The following MGAT4C variants were observed in gnomAD, a reference collection of about 807,000 sequenced individuals.
MGAT4C encodes the protein alpha-1,3-mannosyl-glycoprotein 4-beta-N-acetylglucosaminyltransferase C.
In MGAT4C, 19 loss-of-function variants were observed where a neutral mutation model predicts 40.1. That is an observed-to-expected ratio of 0.47 (90% confidence interval 0.33 to 0.70). The LOEUF (loss-of-function observed/expected upper bound fraction) is 0.70. Ranked by LOEUF, MGAT4C falls within the 30% of genes least tolerant of loss-of-function variation. The pLI, the probability that MGAT4C is intolerant of heterozygous loss-of-function variation, is 0.02. For missense variants in MGAT4C, 491 were observed against 563.2 expected (o/e 0.87, Z 1.30); for synonymous variants, 181 against 187.1 (o/e 0.97, Z 0.27).
In MGAT4C at chr12:85,987,646, A is replaced by G. The variant is rs540636257; in HGVS notation, c.147+1754T>C. Among the ~76,000 whole-genome samples the G allele has an allele frequency of 2.4e-3, 371 of 152,336 alleles. 2 individuals carry two copies. Among genetic ancestry groups the G allele is most frequent in the Non-Finnish European group, 3.9e-3 (262 of 68,020 alleles). On this transcript the variant is annotated intron_variant, in intron 3 of 4. Transcript: ENST00000611864. ...CTGTAAACATTTGCAAAACAGGAACATAGCATTTTATTTTCTAATTGACAT... is the reference window on the plus strand; with the variant it reads ...CTGTAAACATTTGCAAAACAGGAACGTAGCATTTTATTTTCTAATTGACAT...
At chr12:86,796,319 C>T (rs553363405) in intron 1 of MGAT4C, among the ~76,000 whole-genome samples, 1 of 152,010 alleles carries the variant, frequency 6.6e-6, no homozygotes, top group East Asian at 1.9e-4. Context: ...AGTCTTTGTG[C>T]TAGATGTACA....
chr12:86,053,656 T>A (rs1303306977), intron 1 of MGAT4C, among the ~76,000 whole-genome samples: 1 of 151,880 alleles, frequency 6.6e-6, no homozygotes. Context: ...GCCTGCAAAA[T>A]GGCAGAAAAA....
At chr12:86,609,362 T>A (rs1962164532) in intron 2 of MGAT4C, among the ~76,000 whole-genome samples, 1 of 152,064 alleles carries the variant, frequency 6.6e-6, no homozygotes, top group African/African-American at 2.4e-5. Context: ...TTCAACAGAA[T>A]CAATATTTGT....
intron 2 of MGAT4C, among the ~76,000 whole-genome samples, chr12:86,448,728 T>G (rs957880550): frequency 2.0e-5 from 3 of 152,208 alleles, no homozygotes; most frequent in African/African-American, 7.2e-5. Context: ...ACTTTGAAAT[T>G]GGCAAGGAGA....
chr12:86,767,923 A>C (rs1951546236), intron 1 of MGAT4C, among the ~76,000 whole-genome samples: 1 of 152,222 alleles, frequency 6.6e-6, no homozygotes, highest in African/African-American at 2.4e-5. Context: ...TTGAATGGGC[A>C]AAAACTGGAA....
chr12:86,146,570 G>A (rs544535631), intron 1 of MGAT4C, among the ~76,000 whole-genome samples: 3 of 152,084 alleles, frequency 2.0e-5, no homozygotes, highest in African/African-American at 7.2e-5. Context: ...TCTAAGAACT[G>A]GGAAGTTATC....
chr12:86,107,662 G>T (rs1876452722), intron 1 of MGAT4C, among the ~76,000 whole-genome samples: 1 of 152,040 alleles, frequency 6.6e-6, no homozygotes, highest in Non-Finnish European at 1.5e-5. Context: ...TTACTAATAT[G>T]CTATATTTTC....
intron 1 of MGAT4C, among the ~76,000 whole-genome samples, chr12:86,088,520 A>C (rs539705050): frequency 6.6e-6 from 1 of 152,226 alleles, no homozygotes; most frequent in South Asian, 2.1e-4. Context: ...GAACTTAAAC[A>C]AATTTAAAAG....
intron 2 of MGAT4C, among the ~76,000 whole-genome samples, chr12:86,608,488 G>A (rs1285477998): frequency 6.6e-6 from 1 of 152,068 alleles, no homozygotes; most frequent in African/African-American, 2.4e-5. Flanking sequence ...TGATTTGGAA[G>A]AATTGCTTGA....
intron 4 of MGAT4C, among the ~76,000 whole-genome samples, chr12:86,302,447 G>T (rs553996024): frequency 2.7e-5 from 4 of 149,152 alleles, no homozygotes; most frequent in African/African-American, 1.0e-4. Flanking sequence ...TTTGGTTTTC[G>T]AGACGGAGTC....
At chr12:86,148,002 G>A (rs371833433) in intron 1 of MGAT4C, among the ~76,000 whole-genome samples, 1 of 151,986 alleles carries the variant, frequency 6.6e-6, no homozygotes, top group African/African-American at 2.4e-5. Context: ...AGAGTAAAAC[G>A]AAGAAGAGAG....
intron 2 of MGAT4C, among the ~76,000 whole-genome samples, chr12:86,584,458 A>G (rs1374883871): frequency 6.6e-6 from 1 of 151,124 alleles, no homozygotes; most frequent in Non-Finnish European, 1.5e-5. Flanking sequence ...TTATTCTGTA[A>G]TTTGCTCTTT....
intron 3 of MGAT4C, among the ~76,000 whole-genome samples, chr12:86,373,134 C>T (rs188469712): frequency 2.9e-4 from 44 of 151,934 alleles, no homozygotes; most frequent in Admixed American, 7.9e-4. Flanking sequence ...ACTATACTCT[C>T]ACAAGTGAGA....
At chr12:86,399,289 C>T (rs10745414) in intron 3 of MGAT4C, among the ~76,000 whole-genome samples, 136,282 of 151,856 alleles carry the variant, frequency 0.9, 61,415 homozygotes, top group East Asian at 1. Context: ...TTACATATTT[C>T]TTTTCTTTTT....
At chr12:86,377,570 G>A (rs368131596) in intron 3 of MGAT4C, among the ~76,000 whole-genome samples, 2 of 152,032 alleles carry the variant, frequency 1.3e-5, no homozygotes, top group African/African-American at 4.8e-5. Flanking sequence ...CGCTCTTAAC[G>A]ATGTTTTAAT....
At chr12:86,792,024 A>T (rs1952031368) in intron 1 of MGAT4C, among the ~76,000 whole-genome samples, 1 of 152,216 alleles carries the variant, frequency 6.6e-6, no homozygotes, top group African/African-American at 2.4e-5. Flanking sequence ...ATAACATTTG[A>T]TAACAATTTG....
At chr12:86,789,907 T>G (rs1032846708) in intron 1 of MGAT4C, among the ~76,000 whole-genome samples, 3 of 152,118 alleles carry the variant, frequency 2.0e-5, no homozygotes, top group African/African-American at 7.2e-5. Context: ...TTAATTCACT[T>G]GACCTTTTTC....
At chr12:86,044,947 T>C (rs1162523861) in intron 2 of MGAT4C, among the ~76,000 whole-genome samples, 2 of 152,130 alleles carry the variant, frequency 1.3e-5, no homozygotes, top group African/African-American at 4.8e-5. Flanking sequence ...CAGAGGTTCA[T>C]GGTGAGGGCA....
chr12:86,816,109 G>A (rs1313200941), intron 1 of MGAT4C, among the ~76,000 whole-genome samples: 1 of 151,692 alleles, frequency 6.6e-6, no homozygotes, highest in Non-Finnish European at 1.5e-5. Context: ...AAAATTTGTT[G>A]ATCTTAATTT....
Sources: gnomAD v4.1 joint callset for allele counts (sites outside exome capture counted in the v4.1 genomes callset) on GRCh38, gnomAD v4.1.1 for gene constraint, MANE v1.5 for transcripts, NCBI Gene and HGNC (gene_info 2026-07-23, HGNC 2026-07-21) for gene names.